Variants in ATG5 observed in about 807,000 individuals in gnomAD.
ATG5 encodes the protein autophagy related 5.
Under a neutral mutation model 36.5 loss-of-function variants are expected in ATG5, and 14 were observed. The observed-to-expected ratio is 0.38, with a 90% CI of 0.25 to 0.60. The LOEUF is 0.60. ATG5 is among the 20% of genes least tolerant of loss of function. The pLI is 0.60. For missense variants in ATG5, 195 were observed against 326.7 expected, an observed-to-expected ratio of 0.60 and a Z score of 3.11; for synonymous variants, 95 against 101.5, an observed-to-expected ratio of 0.94 and a Z score of 0.38.
chr6:106,270,531 C>CA (rs1362029204), intron 5 of ATG5, among the ~76,000 whole-genome samples: 1 of 152,156 alleles, frequency 6.6e-6, no homozygotes, highest in Non-Finnish European at 1.5e-5. Context: ...ATGACTGTGA[C>CA]ACATTCACTG....
At chr6:106,314,243 T>C (rs2787551) in intron 2 of ATG5, among the ~76,000 whole-genome samples, 13,002 of 152,254 alleles carry the variant, frequency 0.085, 581 homozygotes, top group South Asian at 0.13. Context: ...AGGAAGTATG[T>C]CAAACATTAG....
intron 1 of ATG5, among the ~76,000 whole-genome samples, chr6:106,323,260 C>CTTT (rs71274321): frequency 0.021 from 1,337 of 64,226 alleles, 164 homozygotes; most frequent in African/African-American, 0.061. Flanking sequence ...TGGAAAAGTC[C>CTTT]TTTTTTTTTT....
chr6:106,298,266 G>A (rs1465125706), intron 3 of ATG5, among the ~76,000 whole-genome samples: 1 of 152,084 alleles, frequency 6.6e-6, no homozygotes. Flanking sequence ...GCGCTAGCCT[G>A]TCAAAATCTT....
intron 4 of ATG5, chr6:106,283,657 C>T (rs963134111): frequency 1.3e-5 from 2 of 152,266 alleles, no homozygotes; most frequent in African/African-American, 2.4e-5. Context: ...AAGCGTTCCT[C>T]CCACCTCAGT....
At chr6:106,210,605 G>A (rs1319812615) in intron 6 of ATG5, among the ~76,000 whole-genome samples, 1 of 152,166 alleles carries the variant, frequency 6.6e-6, no homozygotes, top group African/African-American at 2.4e-5. Context: ...TTTAAAGCCA[G>A]TCAGAAGACA....
intron 6 of ATG5, among the ~76,000 whole-genome samples, chr6:106,208,126 C>T (rs1776708448): frequency 6.6e-6 from 1 of 152,086 alleles, no homozygotes; most frequent in Admixed American, 6.6e-5. Flanking sequence ...CTGTTTCTGT[C>T]ATTTATTATG....
chr6:106,275,834 T>C (rs1779621934), intron 5 of ATG5, among the ~76,000 whole-genome samples: 1 of 152,208 alleles, frequency 6.6e-6, no homozygotes, highest in South Asian at 2.1e-4. Flanking sequence ...CTGACAAGCA[T>C]TTTCTTAAAA....
At chr6:106,311,706 T>C (rs553576418) in intron 2 of ATG5, among the ~76,000 whole-genome samples, 41 of 152,234 alleles carry the variant, frequency 2.7e-4, no homozygotes, top group African/African-American at 9.9e-4. Context: ...ACAAAGGTTT[T>C]AAGCAAGCAA....
intron 6 of ATG5, among the ~76,000 whole-genome samples, chr6:106,227,383 G>A (rs1242045846): frequency 2.0e-5 from 3 of 152,148 alleles, no homozygotes; most frequent in Non-Finnish European, 4.4e-5. Context: ...ATCACTTGAG[G>A]CAAGGAGTTG....
chr6:106,263,550 C>T (rs1779110658), intron 5 of ATG5, among the ~76,000 whole-genome samples: 2 of 152,228 alleles, frequency 1.3e-5, no homozygotes, highest in African/African-American at 4.8e-5. Flanking sequence ...ATCCCCATGC[C>T]TCCTGACTGG....
intron 7 of ATG5, among the ~76,000 whole-genome samples, chr6:106,187,528 CTT>C (rs908086113): frequency 3.3e-5 from 5 of 152,034 alleles, no homozygotes; most frequent in Non-Finnish European, 5.9e-5. Context: ...CATCAAGAAA[CTT>C]TGTGTTATTC....
chr6:106,193,463 TAAG>T (rs1776049112), intron 7 of ATG5, among the ~76,000 whole-genome samples: 1 of 152,104 alleles, frequency 6.6e-6, no homozygotes, highest in Admixed American at 6.6e-5. Context: ...TATTTCTTAG[TAAG>T]GAGGACATAA....
intron 6 of ATG5, among the ~76,000 whole-genome samples, chr6:106,210,439 A>T (rs1562213258): frequency 6.6e-6 from 1 of 152,340 alleles, no homozygotes; most frequent in South Asian, 2.1e-4. Flanking sequence ...ATAAAAATGA[A>T]TGTAGTCTAA....
At chr6:106,201,301 G>C (rs1342110669) in intron 7 of ATG5, among the ~76,000 whole-genome samples, 2 of 151,870 alleles carry the variant, frequency 1.3e-5, no homozygotes, top group Admixed American at 1.3e-4. Flanking sequence ...GTGTGTGTGT[G>C]TGTGTCTCAA....
intron 6 of ATG5, among the ~76,000 whole-genome samples, chr6:106,227,791 T>C (rs538473780): frequency 8.5e-5 from 13 of 152,344 alleles, no homozygotes; most frequent in African/African-American, 2.4e-4. Context: ...GTTCTGGTTA[T>C]TGTCAAGCTA....
intron 5 of ATG5, among the ~76,000 whole-genome samples, chr6:106,273,881 C>T (rs1582639816): frequency 6.6e-6 from 1 of 152,122 alleles, no homozygotes. Context: ...TTCCAAATGT[C>T]GTGACTTGTT....
At chr6:106,206,255 G>C (rs1776628491) in intron 6 of ATG5, among the ~76,000 whole-genome samples, 1 of 151,528 alleles carries the variant, frequency 6.6e-6, no homozygotes, top group Non-Finnish European at 1.5e-5. Flanking sequence ...CTGCCATGTT[G>C]GGGGGGTGGG....
At chr6:106,299,668 ATGTG>A (rs1181590312) in intron 3 of ATG5, among the ~76,000 whole-genome samples, 3 of 151,988 alleles carry the variant, frequency 2.0e-5, no homozygotes, top group Middle Eastern at 3.2e-3. Flanking sequence ...TACTCCATTT[ATGTG>A]TGTGTGTATG....
intron 5 of ATG5, among the ~76,000 whole-genome samples, chr6:106,269,696 C>G (rs142809758): frequency 3.7e-4 from 57 of 152,322 alleles, no homozygotes; most frequent in Non-Finnish European, 7.5e-4. Context: ...CCGGCTGCTC[C>G]GAGTGCGGGG....
Sources: gnomAD v4.1 joint callset for allele counts (sites outside exome capture counted in the v4.1 genomes callset) on GRCh38, gnomAD v4.1.1 for gene constraint, MANE v1.5 for transcripts, NCBI Gene and HGNC (gene_info 2026-07-23, HGNC 2026-07-21) for gene names.